The following DPP10 variants were observed in gnomAD, a reference collection of about 807,000 sequenced individuals.
DPP10 encodes dipeptidyl peptidase like 10.
Under a neutral mutation model 120.9 loss-of-function variants are expected in DPP10, and 33 were observed. The ratio of observed to expected loss-of-function variants is 0.27; its 90% CI spans 0.21 to 0.37. DPP10 has a LOEUF of 0.37. DPP10 is among the 10% of genes least tolerant of loss of function. The pLI is 1.00. For synonymous variants in DPP10, 337 were observed against 326.1 expected, an observed-to-expected ratio of 1.03 and a Z score of -0.36; for missense variants, 816 against 942.8, an observed-to-expected ratio of 0.87 and a Z score of 1.76.
intron 1 of DPP10, among the ~76,000 whole-genome samples, chr2:115,301,224 A>T (rs2061115845): frequency 6.6e-6 from 1 of 151,944 alleles, no homozygotes; most frequent in South Asian, 2.1e-4. Context: ...CTTAACAAAC[A>T]TCTTGCCCCC....
intron 5 of DPP10, among the ~76,000 whole-genome samples, chr2:115,664,330 A>C (rs760609503): frequency 3.3e-5 from 5 of 152,058 alleles, no homozygotes; most frequent in Non-Finnish European, 5.9e-5. Context: ...TATTGATTAC[A>C]AATTTTTCAA....
intron 5 of DPP10, among the ~76,000 whole-genome samples, chr2:115,602,964 A>T (rs1486739528): frequency 6.6e-6 from 1 of 152,208 alleles, no homozygotes; most frequent in African/African-American, 2.4e-5. Context: ...ACTGAAAATT[A>T]TTAAGGTTCT....
chr2:115,193,743 AATT>A (rs1367173092), intron 1 of DPP10, among the ~76,000 whole-genome samples: 1 of 152,178 alleles, frequency 6.6e-6, no homozygotes, highest in African/African-American at 2.4e-5. Context: ...TGAGCAGACC[AATT>A]ATTAGGCAAT....
intron 5 of DPP10, among the ~76,000 whole-genome samples, chr2:115,627,856 T>C (rs2085490674): frequency 6.6e-6 from 1 of 152,164 alleles, no homozygotes; most frequent in South Asian, 2.1e-4. Context: ...AAAGACATGA[T>C]CTCCTTCCTT....
chr2:115,657,928 T>G (rs1457046096), intron 5 of DPP10, among the ~76,000 whole-genome samples: 6 of 151,882 alleles, frequency 4.0e-5, no homozygotes, highest in Non-Finnish European at 8.8e-5. Context: ...GGAAGAACCT[T>G]CCACAGAGCA....
chr2:114,899,886 G>A (rs2106634456), intron 1 of DPP10, among the ~76,000 whole-genome samples: 1 of 152,324 alleles, frequency 6.6e-6, no homozygotes, highest in Non-Finnish European at 1.5e-5. Flanking sequence ...CGTGAACCCG[G>A]GAGGTGGAGC....
At chr2:114,890,063 T>C (rs1692413737) in intron 1 of DPP10, among the ~76,000 whole-genome samples, 1 of 152,220 alleles carries the variant, frequency 6.6e-6, no homozygotes, top group African/African-American at 2.4e-5. Context: ...TCATGTCTCC[T>C]TTCGTCACAG....
intron 3 of DPP10, among the ~76,000 whole-genome samples, chr2:115,459,600 C>A (rs1401436608): frequency 2.0e-5 from 3 of 151,908 alleles, no homozygotes; most frequent in Admixed American, 1.3e-4. Flanking sequence ...CAATTTAATT[C>A]TTTGGGAGTG....
intron 2 of DPP10, among the ~76,000 whole-genome samples, chr2:115,340,500 A>G (rs2063390508): frequency 6.6e-6 from 1 of 151,952 alleles, no homozygotes; most frequent in Non-Finnish European, 1.5e-5. Context: ...TATATTATAT[A>G]TAGTGTTATT....
At chr2:114,454,940 G>T (rs942148855) in intron 1 of DPP10, among the ~76,000 whole-genome samples, 2 of 152,106 alleles carry the variant, frequency 1.3e-5, no homozygotes, top group African/African-American at 2.4e-5. Flanking sequence ...TTCTTGACAC[G>T]GAATGAAGGC....
chr2:115,176,278 A>C (rs1573899740), intron 1 of DPP10, among the ~76,000 whole-genome samples: 2 of 147,640 alleles, frequency 1.4e-5, no homozygotes, highest in East Asian at 3.9e-4. Context: ...ATTTTATAAA[A>C]AATTTAAATA....
chr2:114,699,458 A>T (rs1357492222), intron 1 of DPP10, among the ~76,000 whole-genome samples: 1 of 152,090 alleles, frequency 6.6e-6, no homozygotes, highest in African/African-American at 2.4e-5. Context: ...ATCTCTGCAC[A>T]CACTGCAAAC....
intron 1 of DPP10, among the ~76,000 whole-genome samples, chr2:115,296,191 G>A (rs1257973392): frequency 3.3e-5 from 5 of 152,036 alleles, no homozygotes; most frequent in Non-Finnish European, 7.4e-5. Context: ...AGGTGGTGGT[G>A]GTGGTGAAGG....
At chr2:114,837,020 C>T (rs913990260) in intron 1 of DPP10, among the ~76,000 whole-genome samples, 5 of 152,142 alleles carry the variant, frequency 3.3e-5, no homozygotes, top group Admixed American at 1.3e-4. Flanking sequence ...GCCCAGATTT[C>T]ATATTGTTCA....
At chr2:114,570,940 G>A (rs1448859243) in intron 1 of DPP10, among the ~76,000 whole-genome samples, 1 of 151,830 alleles carries the variant, frequency 6.6e-6, no homozygotes, top group African/African-American at 2.4e-5. Context: ...CTCTGTGAAA[G>A]GCTGTCATGC....
intron 1 of DPP10, among the ~76,000 whole-genome samples, chr2:114,541,871 C>T (rs1380764563): frequency 6.6e-6 from 1 of 151,892 alleles, no homozygotes; most frequent in Non-Finnish European, 1.5e-5. Context: ...TGAATAGTTG[C>T]TTTTGAGTAA....
rs1412999591 is a variant in DPP10 at position 115,841,769 on chromosome 2, T to A, written c.2257-442T>A. On this transcript the variant is annotated intron_variant, in intron 25 of 25. Transcript: ENST00000410059. ...CAAAGTAAATAATTGCACCAGACAA[T>A]GTTAAAGAGGCAAGGAAGACCTTAT... is the stretch of plus-strand genomic sequence containing the variant. Among the ~76,000 whole-genome samples, 6 of 152,170 alleles carry A rather than the reference T, an allele frequency of 3.9e-5. No individual in the cohort carries two copies. In the East Asian group the frequency reaches 1.2e-3, roughly 29 times the overall value.
At position 114,942,272 on chromosome 2, in the gene DPP10, C is replaced by CA. The variant is rs11323459; in HGVS notation, c.61-366956dup. Among the ~76,000 whole-genome samples, 200 of 102,138 alleles carry CA rather than the reference C, an allele frequency of 2.0e-3. 3 individuals carry two copies. The highest frequency in any genetic ancestry group is 6.5e-3 in the African/African-American group (167 of 25,676). 67.0% of individuals were successfully genotyped at this position (102,138 alleles called of 152,430 possible). ...TGGGTGACAGGGAGAGATTCTGTCT[C>CA]AAAAAAAAAAATGTGTATATATATA... On this transcript the variant is annotated intron_variant, in intron 1 of 25. Transcript: ENST00000410059.
intron 5 of DPP10, among the ~76,000 whole-genome samples, chr2:115,675,814 T>C (rs2090207368): frequency 6.6e-6 from 1 of 152,118 alleles, no homozygotes; most frequent in Admixed American, 6.6e-5. Context: ...CACAATGACA[T>C]TTTGAGAGCA....
Sources: gnomAD v4.1 joint callset for allele counts (sites outside exome capture counted in the v4.1 genomes callset) on GRCh38, gnomAD v4.1.1 for gene constraint, MANE v1.5 for transcripts, NCBI Gene and HGNC (gene_info 2026-07-23, HGNC 2026-07-21) for gene names.